Variants in PIEZO2 observed in about 807,000 individuals in gnomAD.
PIEZO2 encodes piezo type mechanosensitive ion channel component 2.
Under a neutral mutation model 337.3 loss-of-function variants are expected in PIEZO2, and 172 were observed. The observed-to-expected ratio is 0.51, with a 90% CI of 0.45 to 0.58. PIEZO2 has a LOEUF of 0.58. Ranked by LOEUF, PIEZO2 falls within the 20% of genes least tolerant of loss-of-function variation. PIEZO2 has a pLI of 0.00. For synonymous variants in PIEZO2, 1,251 were observed against 1,228.5 expected (o/e 1.02, Z -0.38); for missense variants, 3,028 against 3,391.3 (o/e 0.89, Z 2.66).
At chr18:10,937,983 G>T (rs2032501624) in intron 3 of PIEZO2, among the ~76,000 whole-genome samples, 1 of 152,210 alleles carries the variant, frequency 6.6e-6, no homozygotes, top group Non-Finnish European at 1.5e-5. Context: ...CTTTTAGCAA[G>T]AAATTACGCA....
At chr18:10,733,728 G>A (rs1169999426) in intron 35 of PIEZO2, among the ~76,000 whole-genome samples, 7 of 152,200 alleles carry the variant, frequency 4.6e-5, no homozygotes, top group Admixed American at 2.0e-4. Flanking sequence ...GATTACAGGC[G>A]TGAGCCACAG....
chr18:10,725,289 T>G lies in PIEZO2; in HGVS notation c.5029+6118A>C, dbSNP rs2036487796. On this transcript the variant is annotated intron_variant, in intron 36 of 55. Coordinates refer to ENST00000674853, the MANE Select transcript of PIEZO2 (RefSeq NM_001378183.1). ...TCACCAAGTGCCAGATATGGTCCAT[T>G]GTGGGTAAATACAGCAGAAGGAGGG... The G allele has an allele frequency of 5.7e-6, 9 of 1,575,184 alleles. No individual in the cohort carries two copies. In the South Asian group the frequency reaches 8.9e-5, roughly 16 times the overall value.
rs1183209798 is a variant in PIEZO2 at position 10,942,792 on chromosome 18, C to A, written c.287-31564G>T. Among the ~76,000 whole-genome samples the A allele has an allele frequency of 6.6e-6, 1 of 152,160 alleles. No individual in the cohort carries two copies. The highest frequency in any genetic ancestry group is 1.5e-5 in the Non-Finnish European group (1 of 68,026). ...GGCATGTCAGAGTTCTTCATGGCAGCCCCTCCCATCACAAGCCTGAAGGCC... is the reference window on the plus strand; with the variant it reads ...GGCATGTCAGAGTTCTTCATGGCAGACCCTCCCATCACAAGCCTGAAGGCC... On this transcript the variant is annotated intron_variant, in intron 3 of 55. Coordinates refer to ENST00000674853, the MANE Select transcript of PIEZO2 (RefSeq NM_001378183.1). The surrounding 1 kb of genome is among the most constrained non-coding windows in gnomAD (Gnocchi z 4.4).
rs1044634780 is a variant in PIEZO2, at chr18:10,821,448, C to A, written c.918-14174G>T. Among the ~76,000 whole-genome samples, 7 of 152,076 alleles carry A rather than the reference C, an allele frequency of 4.6e-5. No homozygotes were observed. The highest frequency in any genetic ancestry group is 1.7e-4 in the African/African-American group (7 of 41,392). Reference sequence around the variant, plus strand: ...TATATACTTGCATAAAGGTATCTACCTACCCACCTAGAAGTAGAATGTTCT... The same window carrying A: ...TATATACTTGCATAAAGGTATCTACATACCCACCTAGAAGTAGAATGTTCT... On this transcript the variant is annotated intron_variant, in intron 7 of 55. Coordinates refer to ENST00000674853, the MANE Select transcript of PIEZO2 (RefSeq NM_001378183.1). This position sits in a 1 kb window ranked among gnomAD's most constrained non-coding sequence, Gnocchi z 4.2.
At position 10,682,360 on chromosome 18, in the gene PIEZO2, G is replaced by A. The variant is rs975500658; in HGVS notation, c.7498-68C>T. ...TGCTTTCCCGCAGGCAGCGGGATTGGGGGAGAGCGAGTGCTCTTCCTGTGG... is the reference window on the plus strand; with the variant it reads ...TGCTTTCCCGCAGGCAGCGGGATTGAGGGAGAGCGAGTGCTCTTCCTGTGG... On this transcript the variant is annotated intron_variant, in intron 49 of 55. Transcript: ENST00000674853. The surrounding 1 kb of genome is among the most constrained non-coding windows in gnomAD (Gnocchi z 5.6). 9.4e-6 allele frequency: 13 copies of A among 1,377,756 alleles called. No individual in the cohort carries two copies. The highest frequency in any genetic ancestry group is 1.3e-5 in the Non-Finnish European group (13 of 1,025,620). The allele number at this position is 1,377,756 out of a possible 1,614,324, so 85.3% of individuals were successfully genotyped here.
chr18:10,820,945 C>T (rs1268120891), intron 7 of PIEZO2, among the ~76,000 whole-genome samples: 1 of 152,226 alleles, frequency 6.6e-6, no homozygotes, highest in Non-Finnish European at 1.5e-5. Context: ...CTGGCAGTTA[C>T]TAACTTTACA....
chr18:11,098,414 T>C lies in PIEZO2; in HGVS notation c.65-32192A>G, dbSNP rs890568651. Among the ~76,000 whole-genome samples, 34 of 151,964 alleles carry C rather than the reference T, an allele frequency of 2.2e-4. 1 individual carries two copies. Among genetic ancestry groups the C allele is most frequent in the African/African-American group, 8.0e-4 (33 of 41,442 alleles). ...ATTTTTTTCTTTACAAAGTCATACA[T>C]GTTTTTCATAAAGTTTTCCAAAATT... is the stretch of plus-strand genomic sequence containing the variant. On this transcript the variant is annotated intron_variant, in intron 1 of 55. Coordinates refer to ENST00000674853, the MANE Select transcript of PIEZO2 (RefSeq NM_001378183.1).
At chr18:10,740,708 C>G (rs550837917) in intron 33 of PIEZO2, 5 of 473,388 alleles carry the variant, frequency 1.1e-5, no homozygotes, top group Non-Finnish European at 1.5e-5. Flanking sequence ...ATAGGGCTCT[C>G]GACCTCAGAA....
chr18:10,708,228 G>A (rs74562483), intron 40 of PIEZO2, 47 bp downstream of exon 40: 8,522 of 151,898 alleles, frequency 0.056, 460 homozygotes, highest in East Asian at 0.21. Context: ...TAAAGGGGGG[G>A]AAGAGGTGAT....
chr18:10,793,384 G>A (rs1302130913), intron 13 of PIEZO2, among the ~76,000 whole-genome samples: 1 of 152,108 alleles, frequency 6.6e-6, no homozygotes, highest in Non-Finnish European at 1.5e-5. Context: ...TAAAATATAA[G>A]TGCAGAACCT....
At chr18:10,906,415 A>G (rs961747182) in intron 4 of PIEZO2, among the ~76,000 whole-genome samples, 5 of 152,224 alleles carry the variant, frequency 3.3e-5, no homozygotes, top group African/African-American at 1.2e-4. Flanking sequence ...TCTCCCAGTA[A>G]GCAAAAACTT....
At chr18:10,769,066 G>A (rs1018915525) in intron 21 of PIEZO2, among the ~76,000 whole-genome samples, 1 of 152,064 alleles carries the variant, frequency 6.6e-6, no homozygotes, top group Admixed American at 6.6e-5. Context: ...TGCATTTTTT[G>A]TCAAATGCCT....
chr18:11,141,269 T>C (rs2040636583), intron 1 of PIEZO2, among the ~76,000 whole-genome samples: 1 of 152,156 alleles, frequency 6.6e-6, no homozygotes, highest in South Asian at 2.1e-4. Context: ...GTTGGGCTAA[T>C]GACCAAGTGG....
At chr18:11,093,974 G>GTT (rs113407346) in intron 1 of PIEZO2, among the ~76,000 whole-genome samples, 83 of 148,898 alleles carry the variant, frequency 5.6e-4, no homozygotes, top group African/African-American at 1.9e-3. Flanking sequence ...ATTTGTTGGG[G>GTT]TTTTTTTTTC....
chr18:11,024,152 G>A (rs552473073), intron 2 of PIEZO2, among the ~76,000 whole-genome samples: 113 of 152,330 alleles, frequency 7.4e-4, no homozygotes, highest in African/African-American at 2.6e-3. Context: ...CGCCAAGGCC[G>A]CAGAGGCACC....
Position 10,993,916 on chromosome 18 carries a change from T to C in PIEZO2, c.161-14256A>G, listed in dbSNP as rs1349677748. On this transcript the variant is annotated intron_variant, in intron 2 of 55. Coordinates refer to ENST00000674853, the MANE Select transcript of PIEZO2 (RefSeq NM_001378183.1). This position sits in a 1 kb window ranked among gnomAD's most constrained non-coding sequence, Gnocchi z 5.0. ...GGTGATATTTGGTTACACAAGTAAG[T>C]TCTTTGGTAGTTATTTGTGAGATTT... Among the ~76,000 whole-genome samples, 1 of 152,174 alleles carries C rather than the reference T, an allele frequency of 6.6e-6. No individual in the cohort carries two copies. Among genetic ancestry groups the C allele is most frequent in the Admixed American group, 6.5e-5 (1 of 15,270 alleles).
At position 11,143,629 on chromosome 18, in the gene PIEZO2, A is replaced by T. The variant is rs920350945; in HGVS notation, c.64+4896T>A. Reference sequence around the variant, plus strand: ...CACACACACACACACACACACACACACACACACACACTCTCTCTCTCTCTC... The same window carrying T: ...CACACACACACACACACACACACACTCACACACACACTCTCTCTCTCTCTC... On this transcript the variant is annotated intron_variant, in intron 1 of 55. Coordinates refer to ENST00000674853, the MANE Select transcript of PIEZO2 (RefSeq NM_001378183.1). The surrounding 1 kb of genome is among the most constrained non-coding windows in gnomAD (Gnocchi z 4.9). 0.022 allele frequency among the ~76,000 whole-genome samples: 1,903 copies of T among 86,592 alleles called. 20 individuals carry two copies. The highest frequency in any genetic ancestry group is 0.074 in the East Asian group (196 of 2,666). 56.8% of individuals were successfully genotyped at this position (86,592 alleles called of 152,430 possible).
intron 15 of PIEZO2, among the ~76,000 whole-genome samples, chr18:10,788,173 G>A (rs775209529): frequency 9.9e-5 from 15 of 152,116 alleles, no homozygotes; most frequent in Non-Finnish European, 1.8e-4. Context: ...AGGCCGAGGA[G>A]GGCAGATCGC....
At position 10,954,113 on chromosome 18, in the gene PIEZO2, G is replaced by A. The variant is rs1239484315; in HGVS notation, c.286+25422C>T. Among the ~76,000 whole-genome samples the A allele has an allele frequency of 1.3e-5, 2 of 152,198 alleles. No individual in the cohort carries two copies. Among genetic ancestry groups the A allele is most frequent in the Non-Finnish European group, 2.9e-5 (2 of 68,036 alleles). On this transcript the variant is annotated intron_variant, in intron 3 of 55. Coordinates refer to ENST00000674853, the MANE Select transcript of PIEZO2 (RefSeq NM_001378183.1). The surrounding 1 kb of genome is among the most constrained non-coding windows in gnomAD (Gnocchi z 4.2). ...TAACTCAGTCTTGAAATCAGATAGT[G>A]TAAATCTTCAAATTTTTATTTTTCA...
Sources: allele counts gnomAD v4.1 joint callset (sites outside exome capture counted in the v4.1 genomes callset), GRCh38; gene constraint gnomAD v4.1.1; non-coding constraint Gnocchi (gnomAD v3.1); transcripts MANE v1.5; gene names NCBI Gene and HGNC (gene_info 2026-07-23, HGNC 2026-07-21).